FUT9: variants seen among roughly 807,000 people sequenced by gnomAD.
The protein encoded by FUT9 is fucosyltransferase 9.
A neutral mutation model predicts 29.7 loss-of-function variants in FUT9; 15 were observed. The ratio of observed to expected loss-of-function variants is 0.51; its 90% CI spans 0.34 to 0.78. FUT9 has a LOEUF of 0.78. FUT9 is among the 30% of genes least tolerant of loss of function. The pLI is 0.01. For missense variants in FUT9, 319 were observed against 425.4 expected (o/e 0.75, Z 2.20); for synonymous variants, 169 against 153.7 (o/e 1.10, Z -0.74).
chr6:96,100,589 A>G (rs1771571702), intron 1 of FUT9, among the ~76,000 whole-genome samples: 1 of 152,234 alleles, frequency 6.6e-6, no homozygotes. Flanking sequence ...GGAGATAGCT[A>G]AAGAAATTTA....
chr6:96,109,987 A>T (rs558876497), intron 1 of FUT9, among the ~76,000 whole-genome samples: 1 of 152,236 alleles, frequency 6.6e-6, no homozygotes, highest in African/African-American at 2.4e-5. Context: ...AGTGCTTGTT[A>T]CTGTCGTGGG....
intron 2 of FUT9, among the ~76,000 whole-genome samples, chr6:96,173,108 T>G (rs997060479): frequency 6.6e-6 from 1 of 152,122 alleles, no homozygotes; most frequent in Non-Finnish European, 1.5e-5. Context: ...CATTATTCTG[T>G]CCAGTCACAA....
At chr6:96,183,859 G>A (rs1278823324) in intron 2 of FUT9, among the ~76,000 whole-genome samples, 1 of 151,954 alleles carries the variant, frequency 6.6e-6, no homozygotes, top group Non-Finnish European at 1.5e-5. Context: ...ATTTTGTTAA[G>A]GAATTTTGCA....
At position 96,040,121 on chromosome 6, in the gene FUT9, C is replaced by T. The variant is rs541768949; in HGVS notation, c.-98+23909C>T. Among the ~76,000 whole-genome samples, 3 of 152,142 alleles carry T rather than the reference C, an allele frequency of 2.0e-5. No homozygotes were observed. In the South Asian group the frequency reaches 6.2e-4, roughly 32 times the overall value. On this transcript the variant is annotated intron_variant, in intron 1 of 2. Transcript: ENST00000302103. ...AAAATTTTTAAATTTCTGACTTGTT[C>T]TGAATATTGAATGCTATATTGTTTG...
Position 96,207,615 on chromosome 6 carries a change from T to C in FUT9, c.*3380T>C, listed in dbSNP as rs1466373217. ...AATAAATCCTGTGGGTTGCAATTCT[T>C]TGTAAGAAACTCATGAAAAAGATAT... On this transcript the variant is annotated 3_prime_UTR_variant, in exon 3 of 3. Coordinates refer to ENST00000302103, the MANE Select transcript of FUT9 (RefSeq NM_006581.4). 6.0e-6 allele frequency: 1 copy of C among 166,996 alleles called. No individual in the cohort carries two copies. Among genetic ancestry groups the C allele is most frequent in the African/African-American group, 2.4e-5 (1 of 41,452 alleles). The allele number at this position is 166,996 out of a possible 1,614,324, so 10.3% of individuals were successfully genotyped here. A position where few individuals can be genotyped will look rare whatever the true frequency, so the allele number is the denominator to read the frequency against.
At chr6:96,099,558 T>C (rs1054691188) in intron 1 of FUT9, among the ~76,000 whole-genome samples, 34 of 152,108 alleles carry the variant, frequency 2.2e-4, no homozygotes, top group African/African-American at 8.2e-4. Flanking sequence ...TCCTTTAAAA[T>C]TATATGAAAA....
At chr6:96,044,300 A>T (rs2127934681) in intron 1 of FUT9, among the ~76,000 whole-genome samples, 1 of 152,332 alleles carries the variant, frequency 6.6e-6, no homozygotes, top group Admixed American at 6.5e-5. Context: ...GTGATTCTTC[A>T]TTGAAATTTC....
chr6:96,082,339 A>G (rs1036159356), intron 1 of FUT9, among the ~76,000 whole-genome samples: 2 of 151,774 alleles, frequency 1.3e-5, no homozygotes, highest in Non-Finnish European at 3.0e-5. Context: ...AAAATGACAC[A>G]TGTAGAGATT....
chr6:96,032,309 G>A (rs537635598), intron 1 of FUT9, among the ~76,000 whole-genome samples: 36 of 151,688 alleles, frequency 2.4e-4, no homozygotes, highest in African/African-American at 8.2e-4. Context: ...TGACTATGGA[G>A]AGACTATGAT....
At chr6:96,094,731 T>C (rs1036096379) in intron 1 of FUT9, among the ~76,000 whole-genome samples, 2 of 152,232 alleles carry the variant, frequency 1.3e-5, no homozygotes, top group East Asian at 1.9e-4. Context: ...CATACCTGAA[T>C]AGGGAAGCTA....
chr6:96,148,887 G>A (rs1367653254), intron 2 of FUT9, among the ~76,000 whole-genome samples: 1 of 152,156 alleles, frequency 6.6e-6, no homozygotes, highest in Admixed American at 6.5e-5. Flanking sequence ...AGGCACAGTG[G>A]TTCACATTTG....
intron 2 of FUT9, among the ~76,000 whole-genome samples, chr6:96,153,731 T>C (rs1772725001): frequency 6.6e-6 from 1 of 152,236 alleles, no homozygotes; most frequent in South Asian, 2.1e-4. Context: ...TATCACTTTG[T>C]CATGAATCTC....
intron 2 of FUT9, among the ~76,000 whole-genome samples, chr6:96,179,577 A>G (rs1322595222): frequency 6.6e-6 from 1 of 152,168 alleles, no homozygotes; most frequent in African/African-American, 2.4e-5. Flanking sequence ...TACTATTCAA[A>G]ACACTATGTT....
chr6:96,024,533 A>T (rs1262297566), intron 1 of FUT9, among the ~76,000 whole-genome samples: 1 of 151,600 alleles, frequency 6.6e-6, no homozygotes, highest in Non-Finnish European at 1.5e-5. Context: ...GGATCCTTTG[A>T]CTCAGTAGCC....
At chr6:96,154,111 C>A (rs1011148933) in intron 2 of FUT9, among the ~76,000 whole-genome samples, 4 of 152,202 alleles carry the variant, frequency 2.6e-5, no homozygotes, top group Non-Finnish European at 5.9e-5. Flanking sequence ...TTTGCTTCCT[C>A]ATAATGGGTG....
intron 1 of FUT9, among the ~76,000 whole-genome samples, chr6:96,026,596 T>C (rs1163063534): frequency 6.6e-6 from 1 of 151,654 alleles, no homozygotes; most frequent in Non-Finnish European, 1.5e-5. Context: ...GGCCATAATA[T>C]TTCTCCAATG....
rs1278979985 is a variant in FUT9, at chr6:96,060,558, A to T, written c.-98+44346A>T. Reference sequence around the variant, plus strand: ...TTCTCTCTCTCTTTTTTTTTTTGACATGGAGTCTCTCTCTGTCACCCAGGC... The same window carrying T: ...TTCTCTCTCTCTTTTTTTTTTTGACTTGGAGTCTCTCTCTGTCACCCAGGC... On this transcript the variant is annotated intron_variant, in intron 1 of 2. Transcript: ENST00000302103. Among the ~76,000 whole-genome samples the T allele has an allele frequency of 4.0e-5, 6 of 149,354 alleles. No homozygotes were observed. The East Asian group carries it at 1.2e-3, about 29-fold the overall frequency.
At chr6:96,086,705 G>C (rs1771322081) in intron 1 of FUT9, among the ~76,000 whole-genome samples, 1 of 151,938 alleles carries the variant, frequency 6.6e-6, no homozygotes, top group South Asian at 2.1e-4. Flanking sequence ...CAAAAATCTG[G>C]CTTTGACCAC....
At chr6:96,048,349 G>C (rs969292810) in intron 1 of FUT9, among the ~76,000 whole-genome samples, 4 of 152,180 alleles carry the variant, frequency 2.6e-5, no homozygotes, top group African/African-American at 7.2e-5. Context: ...GAGTGGGTAA[G>C]TGGAATGATA....
Sources: gnomAD v4.1 joint callset for allele counts (sites outside exome capture counted in the v4.1 genomes callset) on GRCh38, gnomAD v4.1.1 for gene constraint, MANE v1.5 for transcripts, NCBI Gene and HGNC (gene_info 2026-07-23, HGNC 2026-07-21) for gene names.